The following SKAP1 variants were observed in gnomAD, a reference collection of about 807,000 sequenced individuals.
SKAP1 encodes the protein src kinase-associated phosphoprotein 1.
SKAP1 carries 44 observed loss-of-function variants against 58.5 expected under a neutral mutation model. The observed-to-expected ratio is 0.75, with a 90% CI of 0.59 to 0.97. The LOEUF (loss-of-function observed/expected upper bound fraction) is 0.97. SKAP1 is among the 50% of genes least tolerant of loss of function. The probability of loss-of-function intolerance (pLI) is 0.00; values close to 1 mark genes in which losing one functional copy is unlikely to be tolerated. For missense variants in SKAP1, 390 were observed against 435.2 expected (o/e 0.90, Z 0.92); for synonymous variants, 127 against 149.7 (o/e 0.85, Z 1.11).
At chr17:48,297,928 G>A (rs989410422) in intron 4 of SKAP1, among the ~76,000 whole-genome samples, 1 of 152,104 alleles carries the variant, frequency 6.6e-6, no homozygotes, top group African/African-American at 2.4e-5. Context: ...GCGGGAAAAG[G>A]TCCAAGAAGG....
At chr17:48,203,505 A>G (rs558545034) in intron 4 of SKAP1, among the ~76,000 whole-genome samples, 15 of 152,370 alleles carry the variant, frequency 9.8e-5, no homozygotes, top group Non-Finnish European at 2.1e-4. Flanking sequence ...ACAGGCAGGT[A>G]TATAAGTAAT....
intron 4 of SKAP1, among the ~76,000 whole-genome samples, chr17:48,285,735 C>T (rs572208384): frequency 3.9e-5 from 6 of 152,174 alleles, no homozygotes; most frequent in Non-Finnish European, 7.4e-5. Flanking sequence ...GAAATCATAA[C>T]AGCCATTATG....
chr17:48,221,590 T>C (rs190304803), intron 4 of SKAP1, among the ~76,000 whole-genome samples: 19 of 152,330 alleles, frequency 1.2e-4, no homozygotes, highest in African/African-American at 4.3e-4. Flanking sequence ...AAGTACTGTA[T>C]AGTGCATTAT....
chr17:48,242,089 T>C (rs567174988), intron 4 of SKAP1, among the ~76,000 whole-genome samples: 1 of 152,336 alleles, frequency 6.6e-6, no homozygotes, highest in African/African-American at 2.4e-5. Flanking sequence ...ATTATTTTTC[T>C]CTGCGTTTGC....
At chr17:48,404,449 T>C (rs2067543891) in intron 1 of SKAP1, among the ~76,000 whole-genome samples, 1 of 152,050 alleles carries the variant, frequency 6.6e-6, no homozygotes, top group Non-Finnish European at 1.5e-5. Flanking sequence ...TGAAACTCTA[T>C]AGAAACAAAA....
chr17:48,286,031 C>A (rs751227389), intron 4 of SKAP1, among the ~76,000 whole-genome samples: 9 of 152,182 alleles, frequency 5.9e-5, no homozygotes, highest in Non-Finnish European at 1.0e-4. Context: ...ATAAAGGGCT[C>A]TCAATAAATG....
chr17:48,368,237 T>C (rs1191545002), intron 2 of SKAP1, among the ~76,000 whole-genome samples: 1 of 152,204 alleles, frequency 6.6e-6, no homozygotes, highest in Non-Finnish European at 1.5e-5. Flanking sequence ...TCTTGTCTTG[T>C]TAAAGATATT....
intron 4 of SKAP1, among the ~76,000 whole-genome samples, chr17:48,244,082 A>G (rs1325614461): frequency 6.6e-6 from 1 of 152,252 alleles, no homozygotes; most frequent in East Asian, 1.9e-4. Flanking sequence ...TTCTACTTAT[A>G]ATAATGTTAG....
At chr17:48,233,851 G>A (rs2065151764) in intron 4 of SKAP1, among the ~76,000 whole-genome samples, 1 of 151,942 alleles carries the variant, frequency 6.6e-6, no homozygotes, top group South Asian at 2.1e-4. Context: ...GCAAGACTGT[G>A]TCTTGAGAAA....
intron 4 of SKAP1, among the ~76,000 whole-genome samples, chr17:48,270,314 C>G (rs1266549442): frequency 6.6e-6 from 1 of 151,914 alleles, no homozygotes; most frequent in Non-Finnish European, 1.5e-5. Context: ...TCAAGTCAGT[C>G]TTTAAAAATT....
At chr17:48,289,047 T>C (rs1286699408) in intron 4 of SKAP1, among the ~76,000 whole-genome samples, 1 of 152,106 alleles carries the variant, frequency 6.6e-6, no homozygotes, top group African/African-American at 2.4e-5. Flanking sequence ...AAAATTATTA[T>C]AAAGTGGTGA....
chr17:48,335,715 AT>A (rs1307560887), intron 4 of SKAP1, among the ~76,000 whole-genome samples: 3 of 152,234 alleles, frequency 2.0e-5, no homozygotes, highest in Non-Finnish European at 2.9e-5. Flanking sequence ...AAAGAAAAAA[AT>A]ATCTGTGAAT....
chr17:48,190,619 T>C (rs2064528133), intron 4 of SKAP1, among the ~76,000 whole-genome samples: 1 of 152,174 alleles, frequency 6.6e-6, no homozygotes, highest in African/African-American at 2.4e-5. Context: ...GAACATAAAT[T>C]TTTTTAAGTT....
At chr17:48,172,454 C>T (rs1332167595) in intron 9 of SKAP1, among the ~76,000 whole-genome samples, 1 of 152,068 alleles carries the variant, frequency 6.6e-6, no homozygotes, top group Non-Finnish European at 1.5e-5. Context: ...AATATGTGTA[C>T]CAGAATCATA....
rs370251978 is a variant in SKAP1, at chr17:48,365,146, C to T, written c.153-1332G>A. ...TTTTGTTTTTGTTTTTGTTTTGTAG[C>T]GATGGGGTCTCACTTTGTTGCCCAG... is the stretch of plus-strand genomic sequence containing the variant. On this transcript the variant is annotated intron_variant, in intron 2 of 12. Transcript: ENST00000336915. Among the ~76,000 whole-genome samples, 84 of 151,958 alleles carry T rather than the reference C, an allele frequency of 5.5e-4. 1 individual carries two copies. In the South Asian group the frequency reaches 0.016, roughly 29 times the overall value.
At chr17:48,223,485 A>G (rs67307876) in intron 4 of SKAP1, among the ~76,000 whole-genome samples, 5,769 of 152,244 alleles carry the variant, frequency 0.038, 125 homozygotes, top group South Asian at 0.054. Flanking sequence ...CTACCATTAT[A>G]TGCTGCGCAG....
At chr17:48,215,856 C>T (rs918385459) in intron 4 of SKAP1, among the ~76,000 whole-genome samples, 2 of 152,116 alleles carry the variant, frequency 1.3e-5, no homozygotes, top group African/African-American at 4.8e-5. Flanking sequence ...GACAGTTTTC[C>T]TCCTTTCCTT....
intron 4 of SKAP1, among the ~76,000 whole-genome samples, chr17:48,204,973 T>TTTCTTTCTTTCTTTCTTTC (rs1555602828): frequency 7.8e-5 from 6 of 77,296 alleles, no homozygotes; most frequent in African/African-American, 3.7e-4. Flanking sequence ...TTTTCTTTTC[T>TTTCTTTCTTTCTTTCTTTC]TTTCTTTCTT....
At chr17:48,179,689 A>G (rs2064341386) in intron 9 of SKAP1, among the ~76,000 whole-genome samples, 1 of 152,212 alleles carries the variant, frequency 6.6e-6, no homozygotes, top group Non-Finnish European at 1.5e-5. Context: ...ATTTTCCATT[A>G]TTCTCACAAC....
Sources: allele counts gnomAD v4.1 joint callset (sites outside exome capture counted in the v4.1 genomes callset), GRCh38; gene constraint gnomAD v4.1.1; transcripts MANE v1.5; gene names NCBI Gene and HGNC (gene_info 2026-07-23, HGNC 2026-07-21).